SVIL: variants seen among roughly 807,000 people sequenced by gnomAD.
The protein encoded by SVIL is supervillin.
In SVIL, 101 loss-of-function variants were observed where a neutral mutation model predicts 240.4. That is an observed-to-expected ratio of 0.42 (90% CI 0.36 to 0.50). The LOEUF is 0.50. SVIL is among the 20% of genes least tolerant of loss of function. The pLI is 0.01. For synonymous variants in SVIL, 999 were observed against 1,100.0 expected (o/e 0.91, Z 1.82); for missense variants, 2,512 against 2,818.7 (o/e 0.89, Z 2.46).
intron 13 of SVIL, among the ~76,000 whole-genome samples, chr10:29,526,664 A>G (rs1330692943): frequency 6.6e-6 from 1 of 152,190 alleles, no homozygotes; most frequent in African/African-American, 2.4e-5. Context: ...TGAAGAACAA[A>G]ATTTTTGAGG....
chr10:29,492,835 G>C (rs576093733), intron 21 of SVIL, among the ~76,000 whole-genome samples: 1 of 152,342 alleles, frequency 6.6e-6, no homozygotes, highest in Non-Finnish European at 1.5e-5. Flanking sequence ...GCAAAATTAT[G>C]AGCAAGAATT....
intron 16 of SVIL, among the ~76,000 whole-genome samples, chr10:29,515,579 T>C (rs148384456): frequency 1.0e-3 from 157 of 152,342 alleles, no homozygotes; most frequent in African/African-American, 3.6e-3. Context: ...ATTCTCCCTG[T>C]AAACTGGCCT....
At chr10:29,626,695 A>G (rs1957884522) in intron 1 of SVIL, among the ~76,000 whole-genome samples, 1 of 152,218 alleles carries the variant, frequency 6.6e-6, no homozygotes. Context: ...AGAAACTATG[A>G]GAGCTTAATT....
chr10:29,632,539 G>A (rs1958141297), intron 1 of SVIL, among the ~76,000 whole-genome samples: 1 of 151,878 alleles, frequency 6.6e-6, no homozygotes, highest in South Asian at 2.1e-4. Context: ...ATAACCCCAG[G>A]TGTTGCCAAA....
chr10:29,691,121 AT>A (rs146472243), intron 1 of SVIL, among the ~76,000 whole-genome samples: 2,363 of 151,632 alleles, frequency 0.016, 45 homozygotes, highest in East Asian at 0.098. Flanking sequence ...TAGTAGAAAG[AT>A]TTTTTTTTCT....
In SVIL at chr10:29,677,863, A is replaced by C. The variant is rs541415608; in HGVS notation, c.-301+8690T>G. 2.0e-5 allele frequency among the ~76,000 whole-genome samples: 3 copies of C among 152,302 alleles called. No individual in the cohort carries two copies. In the South Asian group the frequency reaches 6.2e-4, roughly 32 times the overall value. ...TTGATGCTCCTCCTTCAGTGATCAC[A>C]TCTTAATGTTCTACCTTCAACTCAA... On this transcript the variant is annotated intron_variant, in intron 2 of 35. Transcript: ENST00000375400.
chr10:29,646,931 T>C (rs986328879), intron 3 of SVIL, among the ~76,000 whole-genome samples: 1 of 152,132 alleles, frequency 6.6e-6, no homozygotes, highest in Admixed American at 6.5e-5. Flanking sequence ...AAGAGCAAGA[T>C]TGCGTCTTAA....
chr10:29,717,048 T>G (rs1480944040), intron 1 of SVIL, among the ~76,000 whole-genome samples: 1 of 151,836 alleles, frequency 6.6e-6, no homozygotes, highest in East Asian at 1.9e-4. Context: ...GCTAACATGG[T>G]GAAACTCTGT....
At chr10:29,634,236 GC>G (rs1958222579) in intron 1 of SVIL, among the ~76,000 whole-genome samples, 183 bp downstream of exon 1, 1 of 150,766 alleles carries the variant, frequency 6.6e-6, no homozygotes, top group Non-Finnish European at 1.5e-5. Context: ...CAAGAAATAT[GC>G]CCAAGGGTAT....
Position 29,680,690 on chromosome 10 carries a change from G to A in SVIL, c.-301+5863C>T, listed in dbSNP as rs1033826596. 5.3e-5 allele frequency among the ~76,000 whole-genome samples: 8 copies of A among 152,168 alleles called. 1 individual carries two copies. The highest frequency in any genetic ancestry group is 1.0e-4 in the Non-Finnish European group (7 of 68,036). On this transcript the variant is annotated intron_variant, in intron 2 of 35. Coordinates refer to the SVIL transcript ENST00000375400. The stretch of plus-strand genomic sequence containing the variant: ...TCCCAGCACTTTGGGAGGCCGAGGC[G>A]GGTGGATCACTTGAGGTCAGGAGTT...
chr10:29,702,541 A>G (rs1406451127), intron 1 of SVIL, among the ~76,000 whole-genome samples: 1 of 152,222 alleles, frequency 6.6e-6, no homozygotes. Flanking sequence ...GTTAGCTCAG[A>G]TCACACGTTC....
At chr10:29,555,920 A>G (rs545380690) in intron 3 of SVIL, among the ~76,000 whole-genome samples, 15 of 152,334 alleles carry the variant, frequency 9.8e-5, no homozygotes, top group Admixed American at 7.8e-4. Flanking sequence ...TGGCCGCTTC[A>G]ATTAGCTACA....
chr10:29,644,384 G>A (rs944194769), intron 3 of SVIL, among the ~76,000 whole-genome samples: 1 of 152,122 alleles, frequency 6.6e-6, no homozygotes, highest in South Asian at 2.1e-4. Flanking sequence ...AGCCTTCTCT[G>A]AGCATGTTCT....
chr10:29,667,318 T>C (rs1959384098), intron 2 of SVIL, among the ~76,000 whole-genome samples: 1 of 152,166 alleles, frequency 6.6e-6, no homozygotes, highest in Non-Finnish European at 1.5e-5. Context: ...GGAACTGCTA[T>C]TGACACACAA....
At chr10:29,589,866 C>G (rs963154790) in intron 1 of SVIL, among the ~76,000 whole-genome samples, 1 of 152,064 alleles carries the variant, frequency 6.6e-6, no homozygotes, top group African/African-American at 2.4e-5. Flanking sequence ...TAAGTTTGTT[C>G]TCACTAAAAA....
intron 3 of SVIL, among the ~76,000 whole-genome samples, chr10:29,641,215 G>A (rs571949761): frequency 2.1e-3 from 316 of 151,870 alleles, no homozygotes; most frequent in African/African-American, 7.3e-3. Flanking sequence ...ACCAGCCTGG[G>A]CAACATAGTG....
chr10:29,633,146 A>AGAGT (rs1958170442), intron 1 of SVIL, among the ~76,000 whole-genome samples: 1 of 149,724 alleles, frequency 6.7e-6, no homozygotes, highest in Non-Finnish European at 1.5e-5. Context: ...TGAGGCAAGG[A>AGAGT]GAGTCACTTG....
intron 1 of SVIL, among the ~76,000 whole-genome samples, chr10:29,603,237 C>G (rs1207234891): frequency 2.0e-5 from 3 of 151,744 alleles, no homozygotes; most frequent in African/African-American, 4.8e-5. Flanking sequence ...GCCCTCCCCC[C>G]TCATCCTCGT....
chr10:29,628,199 T>C (rs980054714), intron 1 of SVIL, among the ~76,000 whole-genome samples: 1 of 152,250 alleles, frequency 6.6e-6, no homozygotes, highest in African/African-American at 2.4e-5. Context: ...ATTTTCACTT[T>C]CATAACCTAC....
Sources: gnomAD v4.1 joint callset for allele counts (sites outside exome capture counted in the v4.1 genomes callset) on GRCh38, gnomAD v4.1.1 for gene constraint, MANE v1.5 for transcripts, NCBI Gene and HGNC (gene_info 2026-07-23, HGNC 2026-07-21) for gene names.